SIK3: variants seen among roughly 807,000 people sequenced by gnomAD.
SIK3 encodes the protein serine/threonine-protein kinase SIK3.
In SIK3, 28 loss-of-function variants were observed where a neutral mutation model predicts 144.2. That is an observed-to-expected ratio of 0.19 (90% confidence interval 0.14 to 0.27). SIK3 has a LOEUF of 0.27. Among genes scored for constraint, SIK3 ranks in the 10% least tolerant of loss-of-function variants. SIK3 has a pLI of 1.00. For synonymous variants in SIK3, 686 were observed against 676.3 expected, an observed-to-expected ratio of 1.01 and a Z score of -0.22; for missense variants, 1,319 against 1,776.0, an observed-to-expected ratio of 0.74 and a Z score of 4.62.
At position 116,863,641 on chromosome 11, in the gene SIK3, A is replaced by T. The variant is rs778334751; in HGVS notation, c.2103+27T>A. On this transcript the variant is annotated intron_variant, in intron 16 of 24. Transcript: ENST00000445177. Reference sequence around the variant, plus strand: ...TGGCCTCTGTCACCCATGCTCCTCCAGGGATGCCTGCCACCTCTTCCATTA... The same window carrying T: ...TGGCCTCTGTCACCCATGCTCCTCCTGGGATGCCTGCCACCTCTTCCATTA... 8 of 1,613,388 alleles carry T rather than the reference A, an allele frequency of 5.0e-6. No homozygotes were observed. The Admixed American group carries it at 1.2e-4, about 24-fold the overall frequency.
Position 116,844,615 on chromosome 11 carries a change from T to C in SIK3, c.*1028A>G, listed in dbSNP as rs867907239. 0.19 allele frequency: 10,856 copies of C among 58,584 alleles called. 1,644 individuals are homozygous for C. Among genetic ancestry groups the C allele is most frequent in the African/African-American group, 0.47 (10,289 of 21,808 alleles). The allele number at this position is 58,584 out of a possible 1,614,324, so 3.6% of individuals were successfully genotyped here. On this transcript the variant is annotated 3_prime_UTR_variant, in exon 25 of 25. Coordinates refer to ENST00000445177, the MANE Select transcript of SIK3 (RefSeq NM_001366686.3). Reference sequence around the variant, plus strand: ...ATATATTTTATATATATATTATATATATAATATATATATAATATATTATAT... The same window carrying C: ...ATATATTTTATATATATATTATATACATAATATATATATAATATATTATAT...
At position 117,069,184 on chromosome 11, in the gene SIK3, T is replaced by G. The variant is rs7108951; in HGVS notation, c.273+28959A>C. ...TCTGGTAGTTGTTAAGATTTTTTTT[T>G]GGGGGGGGGGGGGTTTGTTGTTGTT... On this transcript the variant is annotated intron_variant, in intron 1 of 24. Transcript: ENST00000445177. 6.8e-3 allele frequency among the ~76,000 whole-genome samples: 565 copies of G among 83,004 alleles called. 3 individuals carry two copies. Among genetic ancestry groups the G allele is most frequent in the African/African-American group, 0.026 (343 of 13,030 alleles). The allele number at this position is 83,004 out of a possible 152,430, so 54.5% of individuals were successfully genotyped here.
At chr11:117,030,285 T>C (rs1591571245) in intron 1 of SIK3, among the ~76,000 whole-genome samples, 1 of 152,154 alleles carries the variant, frequency 6.6e-6, no homozygotes, top group Admixed American at 6.5e-5. Flanking sequence ...GAATCAGAAA[T>C]CCTGACAGAA....
At chr11:117,076,256 T>C (rs1042800494) in intron 1 of SIK3, among the ~76,000 whole-genome samples, 1 of 152,118 alleles carries the variant, frequency 6.6e-6, no homozygotes, top group African/African-American at 2.4e-5. Context: ...GAGGATCCAT[T>C]CCAATGCTAA....
chr11:116,859,999 G>A (rs992954600), intron 19 of SIK3, among the ~76,000 whole-genome samples: 2 of 152,314 alleles, frequency 1.3e-5, no homozygotes, highest in African/African-American at 4.8e-5. Context: ...TGTAATCCCA[G>A]CACTTGGGAG....
At chr11:116,986,174 T>C (rs1950320979) in intron 1 of SIK3, among the ~76,000 whole-genome samples, 1 of 152,216 alleles carries the variant, frequency 6.6e-6, no homozygotes, top group Non-Finnish European at 1.5e-5. Context: ...TTCTGGTTTG[T>C]AGTGTCAGGC....
intron 1 of SIK3, among the ~76,000 whole-genome samples, chr11:117,070,775 G>A (rs1434542950): frequency 4.3e-5 from 5 of 117,538 alleles, no homozygotes; most frequent in South Asian, 2.5e-4. Context: ...TTTTTGTGAC[G>A]AAGTTTCACT....
intron 1 of SIK3, among the ~76,000 whole-genome samples, chr11:117,032,490 T>A (rs553232172): frequency 1.2e-3 from 180 of 151,440 alleles, no homozygotes; most frequent in Non-Finnish European, 1.8e-3. Flanking sequence ...TTGATTTTTG[T>A]TTTTTTGTTT....
In SIK3 at chr11:116,863,782, A is replaced by T. The variant is rs758598012; in HGVS notation, c.1989T>A (p.Pro663=). 6.9e-5 allele frequency: 112 copies of T among 1,613,842 alleles called. No individual in the cohort carries two copies. In the Admixed American group the frequency reaches 1.9e-3, roughly 27 times the overall value. Residue 663 remains proline, a synonymous_variant, in exon 16 of 25, where the codon CCT becomes CCA. Transcript: ENST00000445177. ...GGCGCACAGGGGAGAAACGCTCCGTAGGGAGGTGCAGAGTGTTGGAGTCCT... is the reference window on the plus strand; with the variant it reads ...GGCGCACAGGGGAGAAACGCTCCGTTGGGAGGTGCAGAGTGTTGGAGTCCT... ...TYKDSNTLHL[P]TERFSPVRRF...
At chr11:116,917,321 T>C (rs1460546822) in intron 4 of SIK3, among the ~76,000 whole-genome samples, 1 of 152,156 alleles carries the variant, frequency 6.6e-6, no homozygotes, top group Non-Finnish European at 1.5e-5. Flanking sequence ...AACTTTTCTA[T>C]AGTTCTTATA....
At chr11:116,870,082 G>A in intron 14 of SIK3, 1 of 1,469,700 alleles carries the variant, frequency 6.8e-7, no homozygotes, top group Non-Finnish European at 9.1e-7. Flanking sequence ...GAAGGAGGGA[G>A]GAAAGAAAAA....
At chr11:117,062,673 C>A (rs1953849254) in intron 1 of SIK3, among the ~76,000 whole-genome samples, 1 of 152,142 alleles carries the variant, frequency 6.6e-6, no homozygotes, top group Non-Finnish European at 1.5e-5. Context: ...CCATTTGTCA[C>A]CTCTGACTAA....
chr11:117,092,675 A>G (rs1955299847), intron 1 of SIK3, among the ~76,000 whole-genome samples: 1 of 152,232 alleles, frequency 6.6e-6, no homozygotes, highest in Non-Finnish European at 1.5e-5. Context: ...TTGAATGAAT[A>G]AATGATTAAG....
chr11:117,083,917 C>G (rs1430144202), intron 1 of SIK3, among the ~76,000 whole-genome samples: 1 of 152,150 alleles, frequency 6.6e-6, no homozygotes, highest in African/African-American at 2.4e-5. Flanking sequence ...GTTTCTTCAC[C>G]AAGTTTTTAA....
At chr11:117,010,241 C>T (rs1431039174) in intron 1 of SIK3, among the ~76,000 whole-genome samples, 3 of 152,190 alleles carry the variant, frequency 2.0e-5, no homozygotes, top group African/African-American at 7.2e-5. Flanking sequence ...TCAGAATTTA[C>T]TCTTTCCCAT....
chr11:116,857,042 A>G (rs1374036449), intron 21 of SIK3: 3 of 152,228 alleles, frequency 2.0e-5, no homozygotes, highest in Non-Finnish European at 4.4e-5. Flanking sequence ...TTTTCTAAGT[A>G]TAACTTACTA....
rs1955429921 is a variant in SIK3 at position 117,095,355 on chromosome 11, G to A, written c.273+2788C>T. The stretch of plus-strand genomic sequence containing the variant: ...GAAAACCCAGACCATTTCCTACAAG[G>A]GGAAAAAAAAATCACACACCTCTAA... On this transcript the variant is annotated intron_variant, in intron 1 of 24. Coordinates refer to ENST00000445177, the MANE Select transcript of SIK3 (RefSeq NM_001366686.3). Among the ~76,000 whole-genome samples, 3 of 151,858 alleles carry A rather than the reference G, an allele frequency of 2.0e-5. No homozygotes were observed. In the South Asian group the frequency reaches 6.3e-4, roughly 32 times the overall value.
intron 1 of SIK3, among the ~76,000 whole-genome samples, chr11:117,011,893 A>C (rs1951275956): frequency 6.6e-6 from 1 of 152,146 alleles, no homozygotes; most frequent in African/African-American, 2.4e-5. Flanking sequence ...AATAGAGAGA[A>C]AGAGACTCCA....
rs572575367 is a variant in SIK3, at chr11:116,846,051, C to T, written c.*13+332G>A. Reference sequence around the variant, plus strand: ...TTCCTCCTTTCCTCATTATGCTGACCGGAGGTCACCTGCATCCTCTGGAGC... The same window carrying T: ...TTCCTCCTTTCCTCATTATGCTGACTGGAGGTCACCTGCATCCTCTGGAGC... On this transcript the variant is annotated intron_variant, in intron 24 of 24. Transcript: ENST00000445177. This position sits in a 1 kb window ranked among gnomAD's most constrained non-coding sequence, Gnocchi z 4.1. Among the ~76,000 whole-genome samples the T allele has an allele frequency of 1.2e-4, 18 of 152,286 alleles. No homozygotes were observed. The highest frequency in any genetic ancestry group is 9.2e-4 in the Admixed American group (14 of 15,292).
Sources: allele counts gnomAD v4.1 joint callset (sites outside exome capture counted in the v4.1 genomes callset), GRCh38; gene constraint gnomAD v4.1.1; non-coding constraint Gnocchi (gnomAD v3.1); transcripts MANE v1.5; gene names NCBI Gene and HGNC (gene_info 2026-07-23, HGNC 2026-07-21).